IQSEC2: variants seen among roughly 807,000 people sequenced by gnomAD.
IQSEC2 encodes IQ motif and Sec7 domain ArfGEF 2.
In IQSEC2, 6 loss-of-function variants were observed where a neutral mutation model predicts 74.6. That is an observed-to-expected ratio of 0.08 (90% CI 0.04 to 0.16). IQSEC2 has a LOEUF of 0.16. Among genes scored for constraint, IQSEC2 ranks in the 10% least tolerant of loss-of-function variants. The pLI, the probability that IQSEC2 is intolerant of heterozygous loss-of-function variation, is 1.00. For missense variants in IQSEC2, 734 were observed against 1,306.2 expected (o/e 0.56, Z 6.75); for synonymous variants, 494 against 544.5 (o/e 0.91, Z 1.29).
At chrX:53,290,914 A>T (rs1240214348) in intron 2 of IQSEC2, among the ~76,000 whole-genome samples, 1 of 112,262 alleles carries the variant, frequency 8.9e-6, no homozygotes, top group African/African-American at 3.2e-5. Flanking sequence ...CTGATATCCA[A>T]CCCGTGCTAT....
At chrX:53,306,464 A>G (rs1405967981) in intron 1 of IQSEC2, among the ~76,000 whole-genome samples, 13 of 111,224 alleles carry the variant, frequency 1.2e-4, no homozygotes, top group Non-Finnish European at 1.1e-4. Flanking sequence ...CTGGAGGCCA[A>G]TGGAGGAATG....
chrX:53,293,766 C>A (rs2075125031), intron 1 of IQSEC2, among the ~76,000 whole-genome samples: 1 of 112,257 alleles, frequency 8.9e-6, no homozygotes. Context: ...CCACTTGTCC[C>A]AATCTACCTA....
intron 12 of IQSEC2, among the ~76,000 whole-genome samples, chrX:53,236,854 CA>C (rs2074139272): frequency 9.0e-6 from 1 of 111,125 alleles, no homozygotes; most frequent in Admixed American, 9.5e-5. Context: ...CCCTGCCCTT[CA>C]AAAAAGAGCT....
chrX:53,246,092 C>A (rs963948358), intron 8 of IQSEC2, among the ~76,000 whole-genome samples: 1 of 111,057 alleles, frequency 9.0e-6, no homozygotes, highest in Admixed American at 9.6e-5. Context: ...GAACTCCTGG[C>A]CTCATGGGAT....
At chrX:53,241,187 C>T (rs782090743) in intron 10 of IQSEC2, among the ~76,000 whole-genome samples, 16 of 111,589 alleles carry the variant, frequency 1.4e-4, no homozygotes, top group Admixed American at 5.7e-4. Flanking sequence ...CACACTGCAA[C>T]CTCTGCCTCC....
In IQSEC2 at chrX:53,234,973, G is replaced by A. The variant is rs1309855422; in HGVS notation, c.3713C>T (p.Thr1238Met). The A allele has an allele frequency of 2.6e-6, 3 of 1,165,837 alleles. No individual in the cohort carries two copies. The highest frequency in any genetic ancestry group is 3.4e-6 in the Non-Finnish European group (3 of 872,651). ...ATGGTGGTGGTGGTGGTGGTGGTGCGTGGAAGAAGCAGATGAAGAGGAGGC... is the reference window on the plus strand; with the variant it reads ...ATGGTGGTGGTGGTGGTGGTGGTGCATGGAAGAAGCAGATGAAGAGGAGGC... ...ASASSSSASS[T>M]HHHHHHHHHG... Residue 1238 changes from threonine to methionine, a missense_variant, in exon 15 of 15, where the codon ACG becomes ATG. Physicochemically the swap from Thr to Met is moderately conservative, Grantham distance 81. Transcript: ENST00000642864.
At chrX:53,237,882 A>G in intron 12 of IQSEC2, 3 of 401,615 alleles carry the variant, frequency 7.5e-6, no homozygotes, top group Admixed American at 3.9e-5. Flanking sequence ...CCTACCTCCA[A>G]TACTCTGATT....
At chrX:53,248,352 C>T in intron 6 of IQSEC2, 116 bp from the exon 7 acceptor site, 5 of 951,138 alleles carry the variant, frequency 5.3e-6, no homozygotes, top group Non-Finnish European at 7.3e-6. Context: ...AAATTCAGGA[C>T]CTGTGGCCCG....
chrX:53,270,804 C>T (rs1247966987), intron 2 of IQSEC2, among the ~76,000 whole-genome samples: 2 of 110,529 alleles, frequency 1.8e-5, no homozygotes, highest in African/African-American at 6.6e-5. Flanking sequence ...CAGCCTCTGT[C>T]ATCTCCACCT....
At chrX:53,260,623 A>C (rs1427662932) in intron 2 of IQSEC2, among the ~76,000 whole-genome samples, 2 of 110,832 alleles carry the variant, frequency 1.8e-5, no homozygotes, top group African/African-American at 6.6e-5. Flanking sequence ...CTCAGCCTTC[A>C]ATGCTCTGCT....
chrX:53,284,935 A>T (rs1433561576), intron 2 of IQSEC2, among the ~76,000 whole-genome samples: 1 of 112,315 alleles, frequency 8.9e-6, no homozygotes, highest in African/African-American at 3.2e-5. Flanking sequence ...TCAGCTCTGG[A>T]CTTAAGCAAC....
chrX:53,238,920 T>C (rs1419316371), intron 11 of IQSEC2, among the ~76,000 whole-genome samples: 3 of 110,918 alleles, frequency 2.7e-5, no homozygotes, highest in African/African-American at 9.8e-5. Flanking sequence ...AAGCTCCTCC[T>C]GGTTCATCCT....
chrX:53,288,620 C>G (rs1207909961), intron 2 of IQSEC2, among the ~76,000 whole-genome samples: 1 of 112,056 alleles, frequency 8.9e-6, no homozygotes, highest in Admixed American at 9.4e-5. Flanking sequence ...GACTATATAG[C>G]ATATGACAAT....
At chrX:53,307,380 G>C (rs1433882749) in intron 1 of IQSEC2, among the ~76,000 whole-genome samples, 1 of 93,390 alleles carries the variant, frequency 1.1e-5, no homozygotes, top group Non-Finnish European at 2.1e-5. Context: ...GGGCTCAAGC[G>C]ATCCTCCCGC....
intron 1 of IQSEC2, among the ~76,000 whole-genome samples, chrX:53,320,148 G>T (rs2075414938): frequency 8.9e-6 from 1 of 111,904 alleles, no homozygotes; most frequent in African/African-American, 3.2e-5. Context: ...GGTTGAAGAA[G>T]TGGAGGCGGG....
At chrX:53,258,378 A>G (rs1487285559) in intron 2 of IQSEC2, among the ~76,000 whole-genome samples, 6 of 112,089 alleles carry the variant, frequency 5.4e-5, no homozygotes, top group African/African-American at 1.9e-4. Flanking sequence ...ATAATCTCCC[A>G]GCTAACACAG....
intron 1 of IQSEC2, among the ~76,000 whole-genome samples, chrX:53,295,015 GT>G (rs1232560264): frequency 1.8e-5 from 2 of 110,803 alleles, no homozygotes; most frequent in Non-Finnish European, 3.8e-5. Context: ...TAGAGACAGG[GT>G]TTCGCCATGT....
At chrX:53,269,142 C>G (rs1456394111) in intron 2 of IQSEC2, among the ~76,000 whole-genome samples, 1 of 111,961 alleles carries the variant, frequency 8.9e-6, no homozygotes, top group Non-Finnish European at 1.9e-5. Context: ...ACTTAGAATA[C>G]TCTTCCCTCT....
intron 2 of IQSEC2, among the ~76,000 whole-genome samples, chrX:53,271,957 G>C (rs1430086698): frequency 9.0e-6 from 1 of 111,334 alleles, no homozygotes; most frequent in Non-Finnish European, 1.9e-5. Flanking sequence ...AATTTCCGGA[G>C]GTTCGTGGGG....
Sources: gnomAD v4.1 joint callset for allele counts (sites outside exome capture counted in the v4.1 genomes callset) on GRCh38, gnomAD v4.1.1 for gene constraint, MANE v1.5 for transcripts, NCBI Gene and HGNC (gene_info 2026-07-23, HGNC 2026-07-21) for gene names.